EPHA5: variants seen among roughly 807,000 people sequenced by gnomAD.
EPHA5 encodes the protein ephrin type-A receptor 5.
In EPHA5, 60 loss-of-function variants were observed where a neutral mutation model predicts 105.0. That is an observed-to-expected ratio of 0.57 (90% CI 0.46 to 0.71). The LOEUF is 0.71. Among genes scored for constraint, EPHA5 ranks in the 30% least tolerant of loss-of-function variants. The pLI, the probability that EPHA5 is intolerant of heterozygous loss-of-function variation, is 0.00. For synonymous variants in EPHA5, 513 were observed against 449.1 expected (o/e 1.14, Z -1.80); for missense variants, 1,218 against 1,274.7 (o/e 0.96, Z 0.68).
chr4:65,433,240 C>T (rs531378006), intron 5 of EPHA5, among the ~76,000 whole-genome samples: 3 of 152,112 alleles, frequency 2.0e-5, no homozygotes, highest in Non-Finnish European at 4.4e-5. Context: ...TTTCATTGTG[C>T]AGTGAATACA....
chr4:65,339,563 A>G (rs533412249), intron 14 of EPHA5, among the ~76,000 whole-genome samples: 1 of 152,284 alleles, frequency 6.6e-6, no homozygotes, highest in Admixed American at 6.5e-5. Flanking sequence ...CAAAAACATA[A>G]CTAAACTTCT....
At chr4:65,635,429 T>C (rs1488928699) in intron 2 of EPHA5, among the ~76,000 whole-genome samples, 2 of 152,008 alleles carry the variant, frequency 1.3e-5, no homozygotes, top group Non-Finnish European at 2.9e-5. Context: ...AGGAAGAAAA[T>C]AGAGCAAAAA....
chr4:65,499,788 T>G (rs1381626998), intron 3 of EPHA5, among the ~76,000 whole-genome samples: 2 of 151,288 alleles, frequency 1.3e-5, no homozygotes, highest in Non-Finnish European at 3.0e-5. Flanking sequence ...AAAAGCATTC[T>G]GGGCCAAAAG....
At position 65,322,810 on chromosome 4, in the gene EPHA5, A is replaced by G. The variant is rs983090361; in HGVS notation, c.*1304T>C. On this transcript the variant is annotated 3_prime_UTR_variant, in exon 17 of 17. Coordinates refer to ENST00000613740, the MANE Select transcript of EPHA5 (RefSeq NM_001281766.3). Reference sequence around the variant, plus strand: ...TATTGAAATAAAATTCTGAAGGGAAATAAGCATATATATATATTTGTGTGT... The same window carrying G: ...TATTGAAATAAAATTCTGAAGGGAAGTAAGCATATATATATATTTGTGTGT... 4.4e-6 allele frequency: 1 copy of G among 228,568 alleles called. No homozygotes were observed. The highest frequency in any genetic ancestry group is 2.2e-5 in the African/African-American group (1 of 45,032). The allele number at this position is 228,568 out of a possible 1,614,324, so 14.2% of individuals were successfully genotyped here.
At chr4:65,609,642 T>C (rs897431423) in intron 2 of EPHA5, among the ~76,000 whole-genome samples, 1 of 62,108 alleles carries the variant, frequency 1.6e-5, no homozygotes, top group Non-Finnish European at 3.3e-5. Context: ...AAAAAATCAG[T>C]TTTTTTTTTT....
chr4:65,643,216 T>C (rs1442014141), intron 2 of EPHA5, 147 bp downstream of exon 2: 1 of 501,986 alleles, frequency 2.0e-6, no homozygotes, highest in African/African-American at 2.0e-5. Flanking sequence ...TTAGAGTTAT[T>C]TGAAGTCCCC....
intron 16 of EPHA5, chr4:65,331,070 T>C: frequency 9.6e-7 from 1 of 1,042,952 alleles, no homozygotes; most frequent in Non-Finnish European, 1.2e-6. Flanking sequence ...TGTGTACAAA[T>C]AAAATAACAA....
At chr4:65,669,203 T>C (rs1371707756) in intron 1 of EPHA5, among the ~76,000 whole-genome samples, 1 of 151,808 alleles carries the variant, frequency 6.6e-6, no homozygotes, top group Non-Finnish European at 1.5e-5. Context: ...GAAATGTCAC[T>C]TCCCCACGCG....
intron 1 of EPHA5, among the ~76,000 whole-genome samples, chr4:65,649,792 A>C: frequency 6.6e-6 from 1 of 152,210 alleles, no homozygotes. Context: ...ATCTTTTGGC[A>C]GCATTTGGTC....
intron 8 of EPHA5, among the ~76,000 whole-genome samples, chr4:65,387,118 A>G (rs1046918184): frequency 6.6e-6 from 1 of 151,902 alleles, no homozygotes; most frequent in Non-Finnish European, 1.5e-5. Context: ...CTTGGAGTCT[A>G]TGGAGACACA....
At chr4:65,627,411 A>C (rs548667116) in intron 2 of EPHA5, among the ~76,000 whole-genome samples, 1 of 152,136 alleles carries the variant, frequency 6.6e-6, no homozygotes, top group African/African-American at 2.4e-5. Context: ...TATTTTCTAG[A>C]CTCAACTTGA....
At chr4:65,659,338 A>C (rs1393250615) in intron 1 of EPHA5, among the ~76,000 whole-genome samples, 10 of 147,146 alleles carry the variant, frequency 6.8e-5, no homozygotes, top group African/African-American at 2.5e-4. Context: ...AAAAAAAAAA[A>C]AAAAAAAAAA....
chr4:65,438,580 T>G (rs748320050), intron 5 of EPHA5, among the ~76,000 whole-genome samples: 4 of 152,010 alleles, frequency 2.6e-5, no homozygotes, highest in Non-Finnish European at 4.4e-5. Context: ...TGAGGAGAGT[T>G]ATGAAAGGAT....
chr4:65,550,026 G>T (rs901511609), intron 3 of EPHA5, among the ~76,000 whole-genome samples: 1 of 151,758 alleles, frequency 6.6e-6, no homozygotes, highest in Admixed American at 6.6e-5. Flanking sequence ...TTTTGTAAAT[G>T]ACATCATGTT....
chr4:65,337,637 A>C (rs1259480034), intron 14 of EPHA5, among the ~76,000 whole-genome samples: 1 of 152,102 alleles, frequency 6.6e-6, no homozygotes, highest in Admixed American at 6.6e-5. Flanking sequence ...TTCTGAGGGT[A>C]GAAAATGTTG....
chr4:65,464,016 A>C (rs1054158170), intron 5 of EPHA5, among the ~76,000 whole-genome samples: 8 of 151,898 alleles, frequency 5.3e-5, no homozygotes, highest in African/African-American at 1.9e-4. Context: ...AAATAAATAA[A>C]TAAATATTAA....
chr4:65,437,538 T>A lies in EPHA5; in HGVS notation c.1403-16973A>T, dbSNP rs188380567. On this transcript the variant is annotated intron_variant, in intron 5 of 16. Transcript: ENST00000613740. The stretch of plus-strand genomic sequence containing the variant: ...ATATCTTCTTAGAATGATCAAGAAA[T>A]AATACATTTTCTTGAAATCTATAAT... Among the ~76,000 whole-genome samples, 842 of 152,126 alleles carry A rather than the reference T, an allele frequency of 5.5e-3. 29 individuals are homozygous for A. The East Asian group carries it at 0.083, about 15-fold the overall frequency.
At chr4:65,410,818 T>C (rs1722842437) in intron 7 of EPHA5, among the ~76,000 whole-genome samples, 1 of 152,146 alleles carries the variant, frequency 6.6e-6, no homozygotes, top group South Asian at 2.1e-4. Context: ...CTACACAGAT[T>C]TGAGACAAAT....
intron 8 of EPHA5, among the ~76,000 whole-genome samples, chr4:65,403,648 A>T (rs1722073265): frequency 6.6e-6 from 1 of 151,818 alleles, no homozygotes; most frequent in South Asian, 2.1e-4. Context: ...ATTTTATTTT[A>T]TTTTTAAGGA....
Sources: gnomAD v4.1 joint callset for allele counts (sites outside exome capture counted in the v4.1 genomes callset) on GRCh38, gnomAD v4.1.1 for gene constraint, MANE v1.5 for transcripts, NCBI Gene and HGNC (gene_info 2026-07-23, HGNC 2026-07-21) for gene names.